NOTCH3: variants seen among roughly 807,000 people sequenced by gnomAD.
The protein encoded by NOTCH3 is notch receptor 3.
A neutral mutation model predicts 213.3 loss-of-function variants in NOTCH3; 86 were observed. That is an observed-to-expected ratio of 0.40 (90% CI 0.34 to 0.48). NOTCH3 has a LOEUF of 0.48. Among genes scored for constraint, NOTCH3 ranks in the 20% least tolerant of loss-of-function variants. The pLI is 0.57. For synonymous variants in NOTCH3, 1,354 were observed against 1,355.9 expected (o/e 1.00, Z 0.03); for missense variants, 2,783 against 3,272.6 (o/e 0.85, Z 3.65).
chr19:15,183,923 G>A (rs1053969765), intron 16 of NOTCH3, among the ~76,000 whole-genome samples: 3 of 151,440 alleles, frequency 2.0e-5, no homozygotes, highest in Non-Finnish European at 4.4e-5. Flanking sequence ...GCTGTGGTGT[G>A]CGCCTATAGT....
At chr19:15,180,877 G>A (rs765567421) in intron 18 of NOTCH3, 49 bp from the exon 19 acceptor site, 5 of 1,605,988 alleles carry the variant, frequency 3.1e-6, no homozygotes, top group Non-Finnish European at 4.2e-6. Context: ...GGGGTAGTCT[G>A]GGAGAAACTG....
chr19:15,161,295 G>A lies in NOTCH3; in HGVS notation c.6333C>T (p.Phe2111=), dbSNP rs764987454. Reference sequence around the variant, plus strand: ...CACCAGGGGAAGCAGGGGGCCCACCGAAAGGCCGCGGGGAGTCCAGCGAGT... The same window carrying A: ...CACCAGGGGAAGCAGGGGGCCCACCAAAAGGCCGCGGGGAGTCCAGCGAGT... ...PVDSLDSPRP[F]GGPPASPGGF... is the part of the protein sequence containing the mutation. Residue 2111 remains phenylalanine (F), a synonymous_variant, in exon 33 of 33, where the codon TTC becomes TTT. Transcript: ENST00000263388. 2.2e-5 allele frequency: 33 copies of A among 1,532,850 alleles called. No individual in the cohort carries two copies. Among genetic ancestry groups the A allele is most frequent in the Admixed American group, 8.2e-5 (4 of 48,874 alleles). The allele number at this position is 1,532,850 out of a possible 1,614,324, so 95.0% of individuals were successfully genotyped here.
intron 26 of NOTCH3, 23 bp downstream of exon 26, chr19:15,170,648 C>A (rs56277836): frequency 1.3e-6 from 2 of 1,552,432 alleles, no homozygotes; most frequent in South Asian, 1.2e-5. Context: ...CCCCGCCACC[C>A]CCTCCCCAAG....
intron 20 of NOTCH3, 91 bp downstream of exon 20, chr19:15,179,981 C>T (rs1043320408): frequency 7.0e-6 from 6 of 859,002 alleles, no homozygotes; most frequent in Admixed American, 1.8e-5. Context: ...TATCTAGAGA[C>T]ATACCCATAC....
intron 1 of NOTCH3, among the ~76,000 whole-genome samples, chr19:15,199,694 C>T (rs1459888349): frequency 6.6e-6 from 1 of 152,198 alleles, no homozygotes; most frequent in East Asian, 1.9e-4. Flanking sequence ...GAGTGTGTCA[C>T]AGGCCATGTG....
chr19:15,193,720 G>A (rs917009825), intron 2 of NOTCH3, among the ~76,000 whole-genome samples: 3 of 136,316 alleles, frequency 2.2e-5, no homozygotes, highest in Admixed American at 8.1e-5. Flanking sequence ...GCAGTGAGCC[G>A]AAATTGCACC....
chr19:15,166,515 G>A (rs10408255), intron 29 of NOTCH3, among the ~76,000 whole-genome samples: 136,604 of 151,860 alleles, frequency 0.9, 61,761 homozygotes, highest in African/African-American at 0.97. Flanking sequence ...AAGGGGGGGG[G>A]AAAAAAAGAG....
chr19:15,200,760 TC>T, intron 1 of NOTCH3, 27 bp downstream of exon 1: 1 of 1,272,810 alleles, frequency 7.9e-7, no homozygotes, highest in Admixed American at 3.1e-5. Context: ...GCCGCCCTCG[TC>T]CCATCCGCCA....
chr19:15,182,486 G>A (rs766780127), intron 16 of NOTCH3, among the ~76,000 whole-genome samples: 18 of 143,526 alleles, frequency 1.3e-4, no homozygotes, highest in Admixed American at 7.2e-5. Context: ...CAGTCTGGGC[G>A]ACAGAGTGAG....
chr19:15,164,095 C>T (rs956538968), intron 31 of NOTCH3, among the ~76,000 whole-genome samples: 1 of 152,130 alleles, frequency 6.6e-6, no homozygotes, highest in Non-Finnish European at 1.5e-5. Context: ...ATTTATTTTT[C>T]AGGTGATGAA....
chr19:15,199,110 G>A (rs1225224610), intron 1 of NOTCH3, among the ~76,000 whole-genome samples: 1 of 152,226 alleles, frequency 6.6e-6, no homozygotes, highest in Non-Finnish European at 1.5e-5. Context: ...CATGGGCTAT[G>A]GGCCACCCTG....
intron 19 of NOTCH3, 97 bp from the exon 20 acceptor site, chr19:15,180,353 TC>T: frequency 1.5e-6 from 2 of 1,355,498 alleles, no homozygotes. Flanking sequence ...GTGGAATGAG[TC>T]CCCAGGATCG....
intron 28 of NOTCH3, among the ~76,000 whole-genome samples, chr19:15,169,429 G>A (rs931779012): frequency 2.3e-4 from 35 of 149,688 alleles, no homozygotes; most frequent in Admixed American, 1.4e-3. Context: ...TTTTTGAGAC[G>A]GAGTTTCGCT....
In NOTCH3 at chr19:15,160,863, C is replaced by G. The variant is rs1353840707; in HGVS notation, c.6765G>C (p.Trp2255Cys). Reference protein sequence around the residue: ...LTPSPESPEHWASPSPPSLSD... With the variant: ...LTPSPESPEHCASPSPPSLSD... ...AGAGGGAGGGAGGTGAGGGGCTGGC[C>G]CAGTGCTCAGGGGATTCGGGGGATG... The change falls in exon 33 of 33, where the codon TGG (tryptophan) becomes TGC (cysteine). Residue 2255 changes from tryptophan to cysteine, a missense_variant. By Grantham distance (215) the Trp-to-Cys change is radical. Transcript: ENST00000263388. The G allele has an allele frequency of 1.9e-6, 3 of 1,613,926 alleles. No homozygotes were observed. Among genetic ancestry groups the G allele is most frequent in the Non-Finnish European group, 2.5e-6 (3 of 1,179,894 alleles).
At position 15,170,492 on chromosome 19, in the gene NOTCH3, A is replaced by T; in HGVS notation, c.4953T>A (p.Ala1651=). The T allele has an allele frequency of 3.1e-6, 5 of 1,604,124 alleles. No individual in the cohort carries two copies. The highest frequency in any genetic ancestry group is 4.2e-6 in the Non-Finnish European group (5 of 1,179,264). Residue 1651 remains alanine, a synonymous_variant, in exon 27 of 33, where the codon GCT becomes GCA. Coordinates refer to ENST00000263388, the MANE Select transcript of NOTCH3 (RefSeq NM_000435.3). ...VPLLPLLVAG[A]VLLLVILVLG... The stretch of plus-strand genomic sequence containing the variant: ...GGACGAGAATGACCAGCAGCAAGAC[A>T]GCGCCCGCCACTAGCAGTGGCAGCA...
At chr19:15,170,937 C>G in intron 25 of NOTCH3, 112 bp from the exon 26 acceptor site, 1 of 1,187,594 alleles carries the variant, frequency 8.4e-7, no homozygotes, top group Non-Finnish European at 1.2e-6. Flanking sequence ...CCATCTCCAC[C>G]CACAGGTCTC....
intron 2 of NOTCH3, 108 bp downstream of exon 2, chr19:15,197,392 T>C: frequency 2.0e-6 from 2 of 996,276 alleles, no homozygotes; most frequent in Non-Finnish European, 3.1e-6. Flanking sequence ...ATGTAGGAAG[T>C]GGTAGAGACA....
intron 19 of NOTCH3, 60 bp downstream of exon 19, chr19:15,180,621 A>C: frequency 6.6e-7 from 1 of 1,524,558 alleles, no homozygotes; most frequent in Non-Finnish European, 8.8e-7. Flanking sequence ...CACTAGCAGG[A>C]GGTACGTGCA....
Position 15,161,134 on chromosome 19 carries a change from G to C in NOTCH3, c.6494C>G (p.Pro2165Arg). 6.5e-7 allele frequency: 1 copy of C among 1,539,594 alleles called. No homozygotes were observed. Among genetic ancestry groups the C allele is most frequent in the Non-Finnish European group, 8.7e-7 (1 of 1,148,786 alleles). Residue 2165 changes from proline (P) to arginine (R), a missense_variant, in exon 33 of 33, where the codon CCT becomes CGT. By Grantham distance (103) the Pro-to-Arg change is moderately radical. This residue lies in a region of NOTCH3 where 441 missense variants were observed against 432.1 expected (regional missense o/e 1.02). Transcript: ENST00000263388. ...GCVLSLGLLN[P>R]VAVPLDWARL... is the part of the protein sequence containing the mutation. The stretch of plus-strand genomic sequence containing the variant: ...GGCCCAATCGAGGGGCACAGCCACA[G>C]GGTTCAGCAGGCCCAGGCTGAGTAC...
Sources: allele counts gnomAD v4.1 joint callset (sites outside exome capture counted in the v4.1 genomes callset), GRCh38; gene constraint gnomAD v4.1.1; regional missense constraint gnomAD v4.1.1; transcripts MANE v1.5; gene names NCBI Gene and HGNC (gene_info 2026-07-23, HGNC 2026-07-21).